EDAR: variants seen among roughly 807,000 people sequenced by gnomAD.
The protein encoded by EDAR is ectodysplasin A receptor.
EDAR carries 38 observed loss-of-function variants against 51.3 expected under a neutral mutation model. The observed-to-expected ratio is 0.74, with a 90% confidence interval of 0.57 to 0.97. The LOEUF is 0.97. EDAR is among the 50% of genes least tolerant of loss of function. The probability of loss-of-function intolerance (pLI) is 0.00; values close to 1 mark genes in which losing one functional copy is unlikely to be tolerated. For missense variants in EDAR, 528 were observed against 595.0 expected (o/e 0.89, Z 1.17); for synonymous variants, 227 against 242.1 (o/e 0.94, Z 0.58).
At chr2:108,953,582 A>G (rs1378837155) in intron 1 of EDAR, among the ~76,000 whole-genome samples, 1 of 151,976 alleles carries the variant, frequency 6.6e-6, no homozygotes, top group African/African-American at 2.4e-5. Context: ...TACCTCCCAT[A>G]CTTGTCCAGT....
intron 1 of EDAR, among the ~76,000 whole-genome samples, chr2:108,942,305 G>A (rs564746558): frequency 1.3e-5 from 2 of 152,266 alleles, no homozygotes; most frequent in South Asian, 2.1e-4. Flanking sequence ...GCACAATGCC[G>A]GATCTACTCA....
chr2:108,947,042 T>C (rs1697727005), intron 1 of EDAR, among the ~76,000 whole-genome samples: 2 of 152,150 alleles, frequency 1.3e-5, no homozygotes, highest in African/African-American at 4.8e-5. Context: ...CAAAAGCAAG[T>C]TAGTTACTTC....
rs138928570 is a variant in EDAR, at chr2:108,987,407, T to C, written c.-19+1553A>G. Among the ~76,000 whole-genome samples the C allele has an allele frequency of 4.8e-3, 725 of 152,324 alleles. 3 individuals carry two copies. Among genetic ancestry groups the C allele is most frequent in the African/African-American group, 0.017 (692 of 41,572 alleles). ...TCTGCACTCCGGAGCAATGTTGGGC[T>C]GCCGCCCAATGGCAGGCACTGGGCT... is the stretch of plus-strand genomic sequence containing the variant. On this transcript the variant is annotated intron_variant, in intron 1 of 11. Coordinates refer to ENST00000258443, the MANE Select transcript of EDAR (RefSeq NM_022336.4).
chr2:108,989,135 T>A lies in EDAR; in HGVS notation c.-194A>T, dbSNP rs1015599994. On this transcript the variant is annotated 5_prime_UTR_variant, in exon 1 of 12. Transcript: ENST00000258443. Reference sequence around the variant, plus strand: ...AGGGCTGCCTGGGACCTGGCACACCTCTCTGACACTAGCCCCGCTTCCTTT... The same window carrying A: ...AGGGCTGCCTGGGACCTGGCACACCACTCTGACACTAGCCCCGCTTCCTTT... 2 of 152,760 alleles carry A rather than the reference T, an allele frequency of 1.3e-5. No homozygotes were observed. The highest frequency in any genetic ancestry group is 4.8e-5 in the African/African-American group (2 of 41,470). The allele number at this position is 152,760 out of a possible 1,614,324, so 9.5% of individuals were successfully genotyped here. A position where few individuals can be genotyped will look rare whatever the true frequency, so the allele number is the denominator to read the frequency against.
chr2:108,912,656 G>A lies in EDAR; in HGVS notation c.529+22C>T, dbSNP rs191394399. 2,933 of 1,563,162 alleles carry A rather than the reference G, an allele frequency of 1.9e-3. 8 individuals carry two copies. Among genetic ancestry groups the A allele is most frequent in the Admixed American group, 4.3e-3 (228 of 53,328 alleles). On this transcript the variant is annotated intron_variant, in intron 6 of 11. Transcript: ENST00000258443. ...GAGTACCACCTAACTCCAGGTGATC[G>A]ATACCTGAGCACCCTCCTCACCTTT...
At chr2:108,939,268 C>T (rs1697542054) in intron 1 of EDAR, among the ~76,000 whole-genome samples, 2 of 152,096 alleles carry the variant, frequency 1.3e-5, no homozygotes, top group South Asian at 2.1e-4. Flanking sequence ...ACCTCCGCAA[C>T]CTCCGCCTCC....
chr2:108,942,291 C>A (rs1378740467), intron 1 of EDAR, among the ~76,000 whole-genome samples: 1 of 152,206 alleles, frequency 6.6e-6, no homozygotes, highest in African/African-American at 2.4e-5. Context: ...GTGGGAGAGC[C>A]GAGGCACAAT....
intron 1 of EDAR, among the ~76,000 whole-genome samples, chr2:108,987,080 AG>A (rs1466113847): frequency 2.6e-5 from 4 of 152,318 alleles, no homozygotes; most frequent in Non-Finnish European, 5.9e-5. Flanking sequence ...AGCCCAGCTG[AG>A]GGGCTGAGCC....
intron 1 of EDAR, among the ~76,000 whole-genome samples, chr2:108,933,090 T>A (rs1025483639): frequency 6.6e-6 from 1 of 152,198 alleles, no homozygotes; most frequent in African/African-American, 2.4e-5. Flanking sequence ...TTCAGTTTCC[T>A]GGAACACCAA....
chr2:108,907,929 C>T lies in EDAR; in HGVS notation c.894G>A (p.Pro298=), dbSNP rs575833448. ...EEPAPDKQGS[P]ELCLLSLVHL... is the part of the protein sequence containing the mutation. ...GAACCAGCGACAGCAGGCACAGCTCCGGGGAGCCCTGCTTGTCAGGGGCGG... is the reference window on the plus strand; with the variant it reads ...GAACCAGCGACAGCAGGCACAGCTCTGGGGAGCCCTGCTTGTCAGGGGCGG... The change falls in exon 10 of 12, where the codon CCG becomes CCA. Residue 298 remains proline, a synonymous_variant. Coordinates refer to ENST00000258443, the MANE Select transcript of EDAR (RefSeq NM_022336.4). 19 of 1,613,658 alleles carry T rather than the reference C, an allele frequency of 1.2e-5. No homozygotes were observed. Among genetic ancestry groups the T allele is most frequent in the African/African-American group, 6.7e-5 (5 of 75,030 alleles).
intron 6 of EDAR, among the ~76,000 whole-genome samples, chr2:108,912,396 C>T (rs914683781): frequency 2.0e-5 from 3 of 152,190 alleles, no homozygotes; most frequent in Non-Finnish European, 4.4e-5. Context: ...TCCTCCTGGC[C>T]GGGCTTGCAG....
chr2:108,914,343 G>A (rs1696988619), intron 5 of EDAR, among the ~76,000 whole-genome samples: 1 of 152,118 alleles, frequency 6.6e-6, no homozygotes, highest in African/African-American at 2.4e-5. Flanking sequence ...AACTACCCAT[G>A]GCCTCCTTGG....
chr2:108,952,257 G>T (rs1465780152), intron 1 of EDAR, among the ~76,000 whole-genome samples: 1 of 152,164 alleles, frequency 6.6e-6, no homozygotes, highest in Non-Finnish European at 1.5e-5. Flanking sequence ...GATTGATTTG[G>T]TTTAAATAAT....
At chr2:108,911,197 T>C (rs1696923959) in intron 6 of EDAR, 125 bp from the exon 7 acceptor site, 7 of 1,206,024 alleles carry the variant, frequency 5.8e-6, no homozygotes, top group Non-Finnish European at 7.3e-6. Flanking sequence ...CCCTGAAATC[T>C]GAGGTGCTTG....
At chr2:108,937,149 G>A (rs564474085) in intron 1 of EDAR, among the ~76,000 whole-genome samples, 17 of 152,340 alleles carry the variant, frequency 1.1e-4, no homozygotes, top group Admixed American at 6.5e-4. Context: ...GCACACTGGC[G>A]GGCCCCAGAG....
chr2:108,952,470 T>A (rs1199871831), intron 1 of EDAR, among the ~76,000 whole-genome samples: 3 of 152,254 alleles, frequency 2.0e-5, no homozygotes, highest in African/African-American at 7.2e-5. Flanking sequence ...TTTAATTCAC[T>A]GCTTCTCTCT....
chr2:108,965,251 G>A (rs1698125574), intron 1 of EDAR, among the ~76,000 whole-genome samples: 1 of 152,102 alleles, frequency 6.6e-6, no homozygotes, highest in Admixed American at 6.5e-5. Context: ...GCCGAGGCAG[G>A]CGGATCATGA....
intron 1 of EDAR, among the ~76,000 whole-genome samples, chr2:108,942,106 A>C (rs931261726): frequency 1.3e-5 from 2 of 152,238 alleles, no homozygotes; most frequent in African/African-American, 2.4e-5. Flanking sequence ...TGCTGGGGGC[A>C]GAGGCCCCAT....
chr2:108,907,311 C>T (rs1459336276), intron 10 of EDAR, among the ~76,000 whole-genome samples: 2 of 152,004 alleles, frequency 1.3e-5, no homozygotes, highest in African/African-American at 4.8e-5. Context: ...CTTTTTTCTC[C>T]TTGCTTATTA....
Sources: allele counts gnomAD v4.1 joint callset (sites outside exome capture counted in the v4.1 genomes callset), GRCh38; gene constraint gnomAD v4.1.1; transcripts MANE v1.5; gene names NCBI Gene and HGNC (gene_info 2026-07-23, HGNC 2026-07-21).